Variants in FOXK2 observed in about 807,000 individuals in gnomAD.
FOXK2 encodes the protein forkhead box protein K2.
Under a neutral mutation model 53.3 loss-of-function variants are expected in FOXK2, and 24 were observed. The observed-to-expected ratio is 0.45, with a 90% CI of 0.33 to 0.63. FOXK2 has a LOEUF of 0.63. Among genes scored for constraint, FOXK2 ranks in the 30% least tolerant of loss-of-function variants. FOXK2 has a pLI of 0.03. For synonymous variants in FOXK2, 505 were observed against 407.1 expected, an observed-to-expected ratio of 1.24 and a Z score of -2.89; for missense variants, 952 against 910.5, an observed-to-expected ratio of 1.05 and a Z score of -0.59.
intron 4 of FOXK2, among the ~76,000 whole-genome samples, chr17:82,573,441 T>C (rs1386844787): frequency 6.6e-6 from 1 of 152,104 alleles, no homozygotes; most frequent in African/African-American, 2.4e-5. Flanking sequence ...TTCAGTTACA[T>C]GTCAGGGTCT....
intron 7 of FOXK2, 113 bp downstream of exon 7, chr17:82,586,313 A>G (rs1598231380): frequency 3.5e-5 from 14 of 398,072 alleles, no homozygotes; most frequent in East Asian, 1.9e-4. Context: ...GCCGGGGGGG[A>G]AAGGAGGAGA....
At chr17:82,557,715 C>G (rs1379593159) in intron 1 of FOXK2, among the ~76,000 whole-genome samples, 1 of 152,092 alleles carries the variant, frequency 6.6e-6, no homozygotes, top group Non-Finnish European at 1.5e-5. Flanking sequence ...GTGGTATGAT[C>G]ACAGCTCACT....
At chr17:82,584,251 T>A in intron 6 of FOXK2, 63 bp downstream of exon 6, 1 of 1,464,246 alleles carries the variant, frequency 6.8e-7, no homozygotes, top group Non-Finnish European at 9.0e-7. Flanking sequence ...ACGCCTGGGC[T>A]CCACAGAGAA....
chr17:82,563,619 T>G, intron 2 of FOXK2, 71 bp downstream of exon 2: 6 of 1,386,404 alleles, frequency 4.3e-6, no homozygotes, highest in East Asian at 2.4e-5. Flanking sequence ...GCCTTTCTCC[T>G]TCCCTGGTGC....
At chr17:82,599,519 C>T (rs2045358074) in intron 8 of FOXK2, 1 of 152,322 alleles carries the variant, frequency 6.6e-6, no homozygotes, top group Non-Finnish European at 1.5e-5. Flanking sequence ...AGGGGTTTGG[C>T]TTCCAGGGAA....
At position 82,551,219 on chromosome 17, in the gene FOXK2, A is replaced by C. The variant is rs574525457; in HGVS notation, c.420-12135A>C. Among the ~76,000 whole-genome samples, 178 of 152,236 alleles carry C rather than the reference A, an allele frequency of 1.2e-3. 1 individual carries two copies. Among genetic ancestry groups the C allele is most frequent in the African/African-American group, 4.2e-3 (173 of 41,542 alleles). ...GTAGTCCTAGCTACTCGGGAGGCTG[A>C]GGCAGGAGAATGGCGTGAACCTGGG... On this transcript the variant is annotated intron_variant, in intron 1 of 8. Transcript: ENST00000335255.
At chr17:82,533,589 A>G (rs1299421339) in intron 1 of FOXK2, among the ~76,000 whole-genome samples, 1 of 152,166 alleles carries the variant, frequency 6.6e-6, no homozygotes, top group East Asian at 1.9e-4. Flanking sequence ...CTGTACTTTC[A>G]TACGGCTGTT....
chr17:82,562,067 TAG>T (rs1407303045), intron 1 of FOXK2, among the ~76,000 whole-genome samples: 1 of 152,234 alleles, frequency 6.6e-6, no homozygotes, highest in Admixed American at 6.5e-5. Flanking sequence ...GGTGGGGACT[TAG>T]AGACTCTCAG....
At chr17:82,565,749 A>C (rs1464755233) in intron 2 of FOXK2, among the ~76,000 whole-genome samples, 3 of 152,258 alleles carry the variant, frequency 2.0e-5, no homozygotes, top group Non-Finnish European at 4.4e-5. Flanking sequence ...ACAGACTAGC[A>C]GTTCCTCACA....
intron 1 of FOXK2, among the ~76,000 whole-genome samples, chr17:82,554,379 T>G (rs1343549702): frequency 6.6e-6 from 1 of 152,176 alleles, no homozygotes; most frequent in Non-Finnish European, 1.5e-5. Flanking sequence ...GTCTGTTAAT[T>G]CATAAACTCC....
At chr17:82,599,235 C>G (rs566172618) in intron 8 of FOXK2, 1 of 151,952 alleles carries the variant, frequency 6.6e-6, no homozygotes, top group African/African-American at 2.4e-5. Flanking sequence ...GTAGTTGGGA[C>G]TATAGGCCCC....
At chr17:82,562,808 C>CT (rs1260657668) in intron 1 of FOXK2, among the ~76,000 whole-genome samples, 6,704 of 141,992 alleles carry the variant, frequency 0.047, 164 homozygotes, top group African/African-American at 0.062. Context: ...TGAGTCTATG[C>CT]TTTTTTTTTT....
rs767688418 is a variant in FOXK2 at position 82,587,081 on chromosome 17, C to G, written c.1595C>G (p.Pro532Arg). The change falls in exon 8 of 9, where the codon CCC becomes CGC. Residue 532 changes from proline (P) to arginine (R), a missense_variant. By Grantham distance (103) the Pro-to-Arg change is moderately radical (BLOSUM62 -2). Coordinates refer to ENST00000335255, the MANE Select transcript of FOXK2 (RefSeq NM_004514.4). The stretch of plus-strand genomic sequence containing the variant: ...ATTTCAGTGAAAGTAGAGCCTATTC[C>G]CGCCATTGGCCACGCCACGCTCGGC... ...REVKVKVEPI[P>R]AIGHATLGTA... The G allele has an allele frequency of 4.3e-6, 7 of 1,612,738 alleles. No individual in the cohort carries two copies. Among genetic ancestry groups the G allele is most frequent in the Non-Finnish European group, 5.9e-6 (7 of 1,179,924 alleles).
chr17:82,576,734 G>A (rs2044991060), intron 4 of FOXK2: 1 of 806,102 alleles, frequency 1.2e-6, no homozygotes. Context: ...CCAAAACCGT[G>A]AACGTAGCAG....
At chr17:82,585,072 G>T (rs2143108663) in intron 6 of FOXK2, among the ~76,000 whole-genome samples, 1 of 152,336 alleles carries the variant, frequency 6.6e-6, no homozygotes. Flanking sequence ...GGTGGCCCCT[G>T]ACAGCCATGT....
chr17:82,575,628 A>G (rs2044973271), intron 4 of FOXK2, among the ~76,000 whole-genome samples: 1 of 152,204 alleles, frequency 6.6e-6, no homozygotes, highest in Non-Finnish European at 1.5e-5. Flanking sequence ...CGACACAAGG[A>G]CTGCAAATGT....
chr17:82,582,743 T>C lies in FOXK2; in HGVS notation c.912T>C (p.Asn304=). ...ACGTATTTTTTTATGTTTCATAGAA[T>C]TCAATTCGCCACAATCTCTCTCTGA... ...YYRTADKGWQ[N]SIRHNLSLNR... Residue 304 remains asparagine, a splice_region_variant and synonymous_variant, in exon 5 of 9, where the codon AAT becomes AAC. Transcript: ENST00000335255. 6.3e-7 allele frequency: 1 copy of C among 1,576,910 alleles called. No individual in the cohort carries two copies. The highest frequency in any genetic ancestry group is 1.2e-5 in the South Asian group (1 of 85,206).
At chr17:82,561,421 G>A (rs1426938356) in intron 1 of FOXK2, among the ~76,000 whole-genome samples, 1 of 152,086 alleles carries the variant, frequency 6.6e-6, no homozygotes, top group African/African-American at 2.4e-5. Context: ...GAGGGTAGAG[G>A]GAGAAACTGG....
At chr17:82,582,390 C>T (rs1447657298) in intron 4 of FOXK2, among the ~76,000 whole-genome samples, 1 of 152,228 alleles carries the variant, frequency 6.6e-6, no homozygotes, top group Non-Finnish European at 1.5e-5. Context: ...AAGCCCATAG[C>T]AGCCTTGGGC....
Sources: gnomAD v4.1 joint callset for allele counts (sites outside exome capture counted in the v4.1 genomes callset) on GRCh38, gnomAD v4.1.1 for gene constraint, MANE v1.5 for transcripts, NCBI Gene and HGNC (gene_info 2026-07-23, HGNC 2026-07-21) for gene names.